Variants in IL23R observed in about 807,000 individuals in gnomAD.
The protein encoded by IL23R is interleukin-23 receptor.
A neutral mutation model predicts 56.9 loss-of-function variants in IL23R; 34 were observed. The observed-to-expected ratio is 0.60, with a 90% confidence interval of 0.45 to 0.80. The LOEUF (loss-of-function observed/expected upper bound fraction) is 0.80, where lower values mean the gene tolerates loss of function less well. IL23R is among the 30% of genes least tolerant of loss of function. The pLI, the probability that IL23R is intolerant of heterozygous loss-of-function variation, is 0.00. For missense variants in IL23R, 635 were observed against 730.0 expected, an observed-to-expected ratio of 0.87 and a Z score of 1.50; for synonymous variants, 230 against 249.2, an observed-to-expected ratio of 0.92 and a Z score of 0.73.
At chr1:67,151,039 C>T (rs182203836) in intron 1 of IL23R, among the ~76,000 whole-genome samples, 179 of 152,248 alleles carry the variant, frequency 1.2e-3, no homozygotes, top group African/African-American at 3.8e-3. Flanking sequence ...CACTGTCTTC[C>T]GCGATGGTTG....
intron 7 of IL23R, among the ~76,000 whole-genome samples, chr1:67,225,689 T>C (rs1650571220): frequency 6.6e-6 from 1 of 152,082 alleles, no homozygotes; most frequent in South Asian, 2.1e-4. Flanking sequence ...TTTGCATTTT[T>C]AGTAGAGACA....
At chr1:67,251,611 C>T (rs997800845) in intron 9 of IL23R, among the ~76,000 whole-genome samples, 1 of 152,124 alleles carries the variant, frequency 6.6e-6, no homozygotes, top group Non-Finnish European at 1.5e-5. Context: ...GCCTGTATTT[C>T]TGGCTTTTGA....
chr1:67,147,357 TA>T (rs1355494847), intron 1 of IL23R, among the ~76,000 whole-genome samples: 5 of 152,122 alleles, frequency 3.3e-5, no homozygotes, highest in Non-Finnish European at 7.4e-5. Context: ...CAGTTACAAT[TA>T]AAAAAACTTT....
chr1:67,215,099 C>G (rs1649746302), intron 6 of IL23R, among the ~76,000 whole-genome samples: 1 of 152,118 alleles, frequency 6.6e-6, no homozygotes, highest in Non-Finnish European at 1.5e-5. Flanking sequence ...TTTAAAAGGA[C>G]AGAAATTGTG....
chr1:67,260,166 A>C (rs146332788), downstream of IL23R, among the ~76,000 whole-genome samples: 1 of 152,058 alleles, frequency 6.6e-6, no homozygotes, highest in East Asian at 1.9e-4. Flanking sequence ...TCCAGGTATT[A>C]GGGATTTGAT....
Position 67,240,232 on chromosome 1 carries a change from T to C in IL23R, c.1099T>C (p.Leu367=). ...LLGMIVFAVM[L]SILSLIGIFN... is the part of the protein sequence containing the mutation. Reference sequence around the variant, plus strand: ...GGGAATGATCGTCTTTGCTGTTATGTTGTCAATTCTTTCTTTGATTGGGAT... The same window carrying C: ...GGGAATGATCGTCTTTGCTGTTATGCTGTCAATTCTTTCTTTGATTGGGAT... Residue 367 remains leucine (L), a synonymous_variant, in exon 9 of 11, where the codon TTG becomes CTG. Transcript: ENST00000347310. 1.9e-6 allele frequency: 3 copies of C among 1,613,498 alleles called. No individual in the cohort carries two copies. The highest frequency in any genetic ancestry group is 2.5e-6 in the Non-Finnish European group (3 of 1,179,502).
intron 9 of IL23R, among the ~76,000 whole-genome samples, chr1:67,254,304 A>G (rs1055812248): frequency 1.1e-4 from 16 of 151,990 alleles, no homozygotes; most frequent in African/African-American, 3.9e-4. Context: ...CTTGGCCTCA[A>G]GTGATCTGCC....
chr1:67,204,595 CAA>C (rs1354537849), intron 5 of IL23R, among the ~76,000 whole-genome samples: 2 of 152,012 alleles, frequency 1.3e-5, no homozygotes, highest in African/African-American at 4.8e-5. Flanking sequence ...ATTCTTTTGC[CAA>C]AAGGGTCCTA....
chr1:67,209,549 G>T (rs1161963509), intron 6 of IL23R, among the ~76,000 whole-genome samples: 1 of 152,064 alleles, frequency 6.6e-6, no homozygotes, highest in Non-Finnish European at 1.5e-5. Context: ...ATTTTCTCTT[G>T]CTGCTGCCAT....
chr1:67,185,152 C>G lies in IL23R; in HGVS notation c.491+2193C>G, dbSNP rs1199829426. 3.3e-5 allele frequency among the ~76,000 whole-genome samples: 5 copies of G among 152,202 alleles called. No individual in the cohort carries two copies. In the East Asian group the frequency reaches 7.7e-4, roughly 23 times the overall value. On this transcript the variant is annotated intron_variant, in intron 4 of 10. Coordinates refer to ENST00000347310, the MANE Select transcript of IL23R (RefSeq NM_144701.3). ...GTATGGCAGCTCAAAGAGACTAAGACAGCTGCATACAATTATTTTTCCCAT... is the reference window on the plus strand; with the variant it reads ...GTATGGCAGCTCAAAGAGACTAAGAGAGCTGCATACAATTATTTTTCCCAT...
intron 1 of IL23R, among the ~76,000 whole-genome samples, chr1:67,150,619 G>A (rs1307621770): frequency 7.2e-6 from 1 of 139,470 alleles, no homozygotes; most frequent in Non-Finnish European, 1.5e-5. Context: ...TTTTATGGCT[G>A]CACGTTCTGC....
intron 4 of IL23R, among the ~76,000 whole-genome samples, chr1:67,191,214 T>A (rs984771789): frequency 1.3e-5 from 2 of 152,190 alleles, no homozygotes; most frequent in African/African-American, 2.4e-5. Flanking sequence ...TTTTCTGTCA[T>A]CTCTCCTCTC....
intron 9 of IL23R, among the ~76,000 whole-genome samples, chr1:67,246,847 G>A (rs996444565): frequency 1.3e-5 from 2 of 152,142 alleles, no homozygotes; most frequent in Admixed American, 6.5e-5. Context: ...CCAGAGCTGA[G>A]TTCAAGTCCT....
chr1:67,262,331 G>C (rs1057433000), downstream of IL23R, among the ~76,000 whole-genome samples: 1 of 152,076 alleles, frequency 6.6e-6, no homozygotes, highest in African/African-American at 2.4e-5. Flanking sequence ...CAGAGGTAGG[G>C]GGTGGAGAGA....
Position 67,255,913 on chromosome 1 carries a change from G to A in IL23R, c.1225G>A (p.Val409Met). Residue 409 changes from valine (V) to methionine (M), a missense_variant, in exon 10 of 11, where the codon GTG (valine) becomes ATG (methionine). Transcript: ENST00000347310. ...DIPNMKNSNV[V>M]KMLQENSELM... Reference sequence around the variant, plus strand: ...TCCTAATATGAAAAACAGCAATGTTGTGAAAATGCTACAGGTAACCTAACA... The same window carrying A: ...TCCTAATATGAAAAACAGCAATGTTATGAAAATGCTACAGGTAACCTAACA... 1 of 1,596,492 alleles carries A rather than the reference G, an allele frequency of 6.3e-7. No individual in the cohort carries two copies. Among genetic ancestry groups the A allele is most frequent in the Non-Finnish European group, 8.6e-7 (1 of 1,164,350 alleles).
intron 7 of IL23R, among the ~76,000 whole-genome samples, chr1:67,228,000 TTCTTTCTTTC>T (rs1650774649): frequency 9.6e-6 from 1 of 104,368 alleles, no homozygotes; most frequent in Admixed American, 1.0e-4. Flanking sequence ...CTTTCTTTCT[TTCTTTCTTTC>T]TTTCTTTCTT....
intron 7 of IL23R, among the ~76,000 whole-genome samples, chr1:67,228,523 A>G (rs569306839): frequency 6.6e-6 from 1 of 151,972 alleles, no homozygotes; most frequent in African/African-American, 2.4e-5. Flanking sequence ...TCTTGAAGTC[A>G]TCATCTTCTA....
intron 9 of IL23R, among the ~76,000 whole-genome samples, chr1:67,249,013 A>G (rs1237941878): frequency 1.3e-5 from 2 of 151,988 alleles, no homozygotes; most frequent in South Asian, 2.1e-4. Context: ...ACCAGTCCCA[A>G]TGGGATGAAC....
At position 67,145,519 on chromosome 1, in the gene IL23R, C is replaced by G. The variant is rs558840201; in HGVS notation, c.-634+6358C>G. Among the ~76,000 whole-genome samples, 2 of 152,098 alleles carry G rather than the reference C, an allele frequency of 1.3e-5. 1 individual carries two copies. Among genetic ancestry groups the G allele is most frequent in the Non-Finnish European group, 2.9e-5 (2 of 68,018 alleles). On this transcript the variant is annotated intron_variant, in intron 1 of 10. Coordinates refer to the IL23R transcript ENST00000637002. ...CCCTCTTCCCACCTCTTTTCTGGTC[C>G]TCATACCATTGCATTGTTGCTGTTT...
Sources: gnomAD v4.1 joint callset for allele counts (sites outside exome capture counted in the v4.1 genomes callset) on GRCh38, gnomAD v4.1.1 for gene constraint, MANE v1.5 for transcripts, NCBI Gene and HGNC (gene_info 2026-07-23, HGNC 2026-07-21) for gene names.